SIVA1: variants seen among roughly 807,000 people sequenced by gnomAD.
The protein encoded by SIVA1 is SIVA1 apoptosis inducing factor.
A neutral mutation model predicts 19.7 loss-of-function variants in SIVA1; 10 were observed. The ratio of observed to expected loss-of-function variants is 0.51; its 90% CI spans 0.31 to 0.86. The LOEUF is 0.86. Among genes scored for constraint, SIVA1 ranks in the 40% least tolerant of loss-of-function variants. SIVA1 has a pLI of 0.04. For missense variants in SIVA1, 241 were observed against 245.2 expected, an observed-to-expected ratio of 0.98 and a Z score of 0.11; for synonymous variants, 130 against 106.1, an observed-to-expected ratio of 1.23 and a Z score of -1.39.
At position 104,754,493 on chromosome 14, in the gene SIVA1, G is replaced by A. The variant is rs547313542; in HGVS notation, c.119-1137G>A. On this transcript the variant is annotated intron_variant, in intron 1 of 3. Transcript: ENST00000329967. Reference sequence around the variant, plus strand: ...AACACTGTGCAGGCAAGAAGAGGAAGATGGAAATGGGGCCTGGCTCAGTAT... The same window carrying A: ...AACACTGTGCAGGCAAGAAGAGGAAAATGGAAATGGGGCCTGGCTCAGTAT... Among the ~76,000 whole-genome samples the A allele has an allele frequency of 2.8e-3, 426 of 152,322 alleles. 4 individuals are homozygous for A. The highest frequency in any genetic ancestry group is 9.1e-3 in the African/African-American group (379 of 41,550).
chr14:104,757,314 C>T (rs1595227386), intron 3 of SIVA1: 1 of 435,146 alleles, frequency 2.3e-6, no homozygotes, highest in East Asian at 7.9e-5. Context: ...CAGTGTGGAG[C>T]CTGTTTGCCC....
Position 104,753,248 on chromosome 14 carries a change from T to G in SIVA1, c.47T>G (p.Leu16Arg), listed in dbSNP as rs1444579808. Residue 16 changes from leucine (L) to arginine (R), a missense_variant, in exon 1 of 4, where the codon CTC becomes CGC. Leu to Arg is a moderately radical substitution (Grantham distance 102). Transcript: ENST00000329967. ...TTCGCGGACGTGGCCCCGCTACAGC[T>G]CAAGGTCCGCGTGAGCCAGAGGGAG... ...CPFADVAPLQ[L>R]KVRVSQRELS... 2.5e-6 allele frequency: 4 copies of G among 1,596,412 alleles called. No individual in the cohort carries two copies. Among genetic ancestry groups the G allele is most frequent in the Middle Eastern group, 1.7e-4 (1 of 5,996 alleles).
rs1423683873 is a variant in SIVA1, at chr14:104,753,623, C to T, written c.118+304C>T. ...TTAGTCGCCGCCCTGCAGTGAGCGG[C>T]ACCCGCCTGGTGCTTTCTCAGGACT... is the stretch of plus-strand genomic sequence containing the variant. On this transcript the variant is annotated intron_variant, in intron 1 of 3. Transcript: ENST00000329967. 6.4e-5 allele frequency: 30 copies of T among 468,822 alleles called. No homozygotes were observed. In the Admixed American group the frequency reaches 9.8e-4, roughly 15 times the overall value. The allele number at this position is 468,822 out of a possible 1,614,324, so 29.0% of individuals were successfully genotyped here. A position where few individuals can be genotyped will look rare whatever the true frequency, so the allele number is the denominator to read the frequency against.
chr14:104,756,835 C>G (rs1323194060), intron 3 of SIVA1, 75 bp downstream of exon 3: 9 of 1,459,694 alleles, frequency 6.2e-6, no homozygotes, highest in East Asian at 2.4e-5. Context: ...GGTGGGTCAC[C>G]CATGTGGGCC....
intron 2 of SIVA1, 153 bp from the exon 3 acceptor site, chr14:104,756,451 C>G: frequency 1.3e-6 from 1 of 780,942 alleles, no homozygotes; most frequent in African/African-American, 1.7e-5. Context: ...CTGTACCAGG[C>G]TCACGGGTTG....
intron 2 of SIVA1, chr14:104,756,205 G>A (rs1052467009): frequency 2.3e-6 from 1 of 439,548 alleles, no homozygotes; most frequent in Non-Finnish European, 4.2e-6. Context: ...CCTCAAGTCT[G>A]GTTGGTGTGT....
chr14:104,755,716 G>A lies in SIVA1; in HGVS notation c.205G>A (p.Glu69Lys). ...AGGCTGTGCCGTCGTTCACCTGCCAGAGTCCCCAAAGCCTGGCCCTACAGG... is the reference window on the plus strand; with the variant it reads ...AGGCTGTGCCGTCGTTCACCTGCCAAAGTCCCCAAAGCCTGGCCCTACAGG... Reference protein sequence around the residue: ...DEGCAVVHLPESPKPGPTGAP... With the variant: ...DEGCAVVHLPKSPKPGPTGAP... The change falls in exon 2 of 4, where the codon GAG becomes AAG. Residue 69 changes from glutamate to lysine, a missense_variant. Transcript: ENST00000329967. The A allele has an allele frequency of 3.1e-6, 5 of 1,614,154 alleles. No homozygotes were observed. The highest frequency in any genetic ancestry group is 4.2e-6 in the Non-Finnish European group (5 of 1,180,004).
At position 104,759,409 on chromosome 14, in the gene SIVA1, C is replaced by A. The variant is rs767399938; in HGVS notation, c.471-19C>A. 3 of 1,611,188 alleles carry A rather than the reference C, an allele frequency of 1.9e-6. No individual in the cohort carries two copies. Among genetic ancestry groups the A allele is most frequent in the African/African-American group, 1.3e-5 (1 of 74,830 alleles). ...CCCCTGACAGCAGCTTTTCTCTCCC[C>A]TCCCTGACGCTGTCGCAGCTGCAGT... On this transcript the variant is annotated intron_variant, in intron 3 of 3. Coordinates refer to ENST00000329967, the MANE Select transcript of SIVA1 (RefSeq NM_006427.4). The surrounding 1 kb of genome is among the most constrained non-coding windows in gnomAD (Gnocchi z 4.2).
chr14:104,755,735 C>T lies in SIVA1; in HGVS notation c.224C>T (p.Pro75Leu). ...VHLPESPKPG[P>L]TGAPRAARGQ... ...CTGCCAGAGTCCCCAAAGCCTGGCC[C>T]TACAGGGGCCCCGAGGGCTGCACGT... The change falls in exon 2 of 4, where the codon CCT becomes CTT. Residue 75 changes from proline (P) to leucine (L), a missense_variant. Physicochemically the swap from Pro to Leu is moderately conservative, Grantham distance 98 (BLOSUM62 -3). Transcript: ENST00000329967. The T allele has an allele frequency of 1.2e-6, 2 of 1,614,142 alleles. No homozygotes were observed. The highest frequency in any genetic ancestry group is 1.7e-6 in the Non-Finnish European group (2 of 1,180,012).
intron 1 of SIVA1, among the ~76,000 whole-genome samples, chr14:104,754,453 C>T (rs1329269152): frequency 6.6e-6 from 1 of 152,164 alleles, no homozygotes; most frequent in Non-Finnish European, 1.5e-5. Context: ...CCTCTCAGGA[C>T]AGTTGAAAAA....
chr14:104,755,865 G>T (rs776950710), intron 2 of SIVA1, 41 bp downstream of exon 2: 1 of 1,560,660 alleles, frequency 6.4e-7, no homozygotes, highest in South Asian at 1.1e-5. Context: ...TGGCACTGAG[G>T]GCAGGTGGTG....
rs762694387 is a variant in SIVA1 at position 104,759,463 on chromosome 14, G to T, written c.506G>T (p.Ser169Ile). Residue 169 changes from serine (S) to isoleucine (I), a missense_variant, in exon 4 of 4, where the codon AGC becomes ATC. Ser to Ile is a moderately radical substitution (Grantham distance 142). Transcript: ENST00000329967. The surrounding 1 kb of genome is among the most constrained non-coding windows in gnomAD (Gnocchi z 4.2). ...SDMYEKVLCT[S>I]CAMFET is the part of the protein sequence containing the mutation. ...ATGTACGAGAAAGTGCTGTGCACCA[G>T]CTGTGCCATGTTCGAGACCTGAGGC... The T allele has an allele frequency of 6.2e-7, 1 of 1,612,406 alleles. No homozygotes were observed. The highest frequency in any genetic ancestry group is 8.5e-7 in the Non-Finnish European group (1 of 1,179,918).
chr14:104,754,577 C>G (rs1404285992), intron 1 of SIVA1, among the ~76,000 whole-genome samples: 1 of 152,178 alleles, frequency 6.6e-6, no homozygotes, highest in Non-Finnish European at 1.5e-5. Flanking sequence ...TGCCACTCAC[C>G]GGGTCAGGTC....
chr14:104,759,329 G>T lies in SIVA1; in HGVS notation c.471-99G>T. 5.1e-6 allele frequency: 5 copies of T among 978,104 alleles called. No individual in the cohort carries two copies. The highest frequency in any genetic ancestry group is 6.3e-6 in the Non-Finnish European group (4 of 636,356). The allele number at this position is 978,104 out of a possible 1,614,324, so 60.6% of individuals were successfully genotyped here. A position where few individuals can be genotyped will look rare whatever the true frequency, so the allele number is the denominator to read the frequency against. On this transcript the variant is annotated intron_variant, in intron 3 of 3. Coordinates refer to ENST00000329967, the MANE Select transcript of SIVA1 (RefSeq NM_006427.4). This position sits in a 1 kb window ranked among gnomAD's most constrained non-coding sequence, Gnocchi z 4.2. ...TCCAGATAAGGTCATGTCCTGAGGT[G>T]TTCTGGGTTAGGACTTTGACGTTTG...
rs767581374 is a variant in SIVA1, at chr14:104,753,155, T to G, written c.-47T>G. ...AGCTGTGACGTCACGGCGTCGTTGGTAAGGGGCTGGCGGCCGGGGAGCTGC... is the reference window on the plus strand; with the variant it reads ...AGCTGTGACGTCACGGCGTCGTTGGGAAGGGGCTGGCGGCCGGGGAGCTGC... On this transcript the variant is annotated 5_prime_UTR_variant, in exon 1 of 4. Coordinates refer to ENST00000329967, the MANE Select transcript of SIVA1 (RefSeq NM_006427.4). The G allele has an allele frequency of 7.8e-7, 1 of 1,279,826 alleles. No homozygotes were observed. Among genetic ancestry groups the G allele is most frequent in the Non-Finnish European group, 1.1e-6 (1 of 913,326 alleles). The allele number at this position is 1,279,826 out of a possible 1,614,324, so 79.3% of individuals were successfully genotyped here.
chr14:104,756,528 T>C (rs1447379274), intron 2 of SIVA1, 76 bp from the exon 3 acceptor site: 1 of 1,561,844 alleles, frequency 6.4e-7, no homozygotes, highest in Non-Finnish European at 8.8e-7. Context: ...CAGGTATGCA[T>C]GGAGGCAGGT....
At chr14:104,756,518 C>T in intron 2 of SIVA1, 86 bp from the exon 3 acceptor site, 5 of 1,511,042 alleles carry the variant, frequency 3.3e-6, no homozygotes, top group East Asian at 2.3e-5. Flanking sequence ...CCTCTGCCCT[C>T]AGGTATGCAT....
At chr14:104,756,492 G>A in intron 2 of SIVA1, 112 bp from the exon 3 acceptor site, 10 of 1,218,342 alleles carry the variant, frequency 8.2e-6, no homozygotes, top group Non-Finnish European at 1.2e-5. Flanking sequence ...TGGGGATGGG[G>A]TAGGCAGGTC....
Position 104,759,437 on chromosome 14 carries a change from C to A in SIVA1, c.480C>A (p.Asp160Glu). The A allele has an allele frequency of 1.2e-6, 2 of 1,613,250 alleles. No individual in the cohort carries two copies. The highest frequency in any genetic ancestry group is 1.7e-4 in the Middle Eastern group (1 of 6,058). ...CCTGACGCTGTCGCAGCTGCAGTGA[C>A]ATGTACGAGAAAGTGCTGTGCACCA... The part of the protein sequence containing the change: ...CTLCGLVDCS[D>E]MYEKVLCTSC... Residue 160 changes from aspartate (D) to glutamate (E), a missense_variant, in exon 4 of 4, where the codon GAC becomes GAA. Physicochemically the swap from Asp to Glu is conservative, Grantham distance 45. Transcript: ENST00000329967. This position sits in a 1 kb window ranked among gnomAD's most constrained non-coding sequence, Gnocchi z 4.2.
Sources: gnomAD v4.1 joint callset for allele counts (sites outside exome capture counted in the v4.1 genomes callset) on GRCh38, gnomAD v4.1.1 for gene constraint, Gnocchi (gnomAD v3.1) non-coding constraint, MANE v1.5 for transcripts, NCBI Gene and HGNC (gene_info 2026-07-23, HGNC 2026-07-21) for gene names.